PABPC1: variants seen among roughly 807,000 people sequenced by gnomAD.
The protein encoded by PABPC1 is polyadenylate-binding protein 1.
Under a neutral mutation model 74.0 loss-of-function variants are expected in PABPC1, and 4 were observed. That is an observed-to-expected ratio of 0.05 (90% CI 0.03 to 0.12). The LOEUF is 0.12. Ranked by LOEUF, PABPC1 falls within the 10% of genes least tolerant of loss-of-function variation. The probability of loss-of-function intolerance (pLI) is 1.00; values close to 1 mark genes in which losing one functional copy is unlikely to be tolerated. For missense variants in PABPC1, 271 were observed against 821.1 expected, an observed-to-expected ratio of 0.33 and a Z score of 8.19; for synonymous variants, 227 against 264.1, an observed-to-expected ratio of 0.86 and a Z score of 1.36.
chr8:100,721,397 C>T lies in PABPC1; in HGVS notation c.187G>A (p.Ala63Thr). The T allele has an allele frequency of 6.5e-7, 1 of 1,532,898 alleles. No individual in the cohort carries two copies. Among genetic ancestry groups the T allele is most frequent in the Non-Finnish European group, 8.8e-7 (1 of 1,137,076 alleles). 95.0% of individuals were successfully genotyped at this position (1,532,898 alleles called of 1,614,324 possible). ...GYAYVNFQQP[A>T]DAERALDTMN... is the part of the protein sequence containing the mutation. ...CGCGGAGCCCGGCGCTCACCGTCCG[C>T]CGGCTGCTGGAAGTTCACATACGCG... The change falls in exon 1 of 15, where the codon GCG becomes ACG. Residue 63 changes from alanine (A) to threonine (T), a missense_variant. Around this residue, in one of 7 missense-constraint regions of PABPC1, gnomAD observed 47 missense variants for 214.1 expected, o/e 0.22. Transcript: ENST00000318607. This position sits in a 1 kb window ranked among gnomAD's most constrained non-coding sequence, Gnocchi z 7.4.
At chr8:100,704,211 T>C in intron 14 of PABPC1, 86 bp downstream of exon 14, 1 of 978,256 alleles carries the variant, frequency 1.0e-6, no homozygotes, top group Non-Finnish European at 1.6e-6. Context: ...GATCTTTTGC[T>C]ATGTACATTT....
At chr8:100,714,685 C>T (rs1432320782) in intron 4 of PABPC1, among the ~76,000 whole-genome samples, 2 of 151,984 alleles carry the variant, frequency 1.3e-5, no homozygotes, top group African/African-American at 2.4e-5. Context: ...GCCGAGATCA[C>T]GTGACTGCAC....
chr8:100,707,020 T>C (rs1478306793), intron 9 of PABPC1, 23 bp from the exon 10 acceptor site: 6 of 1,295,062 alleles, frequency 4.6e-6, no homozygotes, highest in African/African-American at 3.0e-5. Context: ...GATGTGAATA[T>C]ACATTAACTG....
intron 7 of PABPC1, among the ~76,000 whole-genome samples, chr8:100,711,858 T>C (rs1003979896): frequency 2.0e-5 from 3 of 152,264 alleles, no homozygotes; most frequent in Admixed American, 6.5e-5. Context: ...AGGGGGACTC[T>C]TGGCCCACGG....
At chr8:100,709,383 G>T in intron 8 of PABPC1, 76 bp downstream of exon 8, 1 of 1,555,416 alleles carries the variant, frequency 6.4e-7, no homozygotes, top group Non-Finnish European at 8.8e-7. Flanking sequence ...ACATTTGCGG[G>T]GCGAGGGGCA....
chr8:100,707,881 C>T (rs751362691), intron 9 of PABPC1, among the ~76,000 whole-genome samples: 5 of 152,218 alleles, frequency 3.3e-5, no homozygotes, highest in East Asian at 1.9e-4. Context: ...CAGACGCTGG[C>T]GTTACCACTA....
chr8:100,716,843 A>T (rs1810683141), intron 3 of PABPC1, among the ~76,000 whole-genome samples: 1 of 152,192 alleles, frequency 6.6e-6, no homozygotes, highest in African/African-American at 2.4e-5. Flanking sequence ...GTAAAGCTGA[A>T]ACTTTATGAA....
At chr8:100,707,212 C>T in intron 9 of PABPC1, 1 of 411,188 alleles carries the variant, frequency 2.4e-6, no homozygotes, top group Non-Finnish European at 4.5e-6. Context: ...ATGTAGCGAC[C>T]AGCCCCACAG....
intron 6 of PABPC1, 66 bp downstream of exon 6, chr8:100,712,586 C>T (rs960411392): frequency 6.4e-7 from 1 of 1,559,188 alleles, no homozygotes; most frequent in Non-Finnish European, 8.7e-7. Flanking sequence ...CTGGAAGTAA[C>T]TGAAATCAAC....
chr8:100,705,650 C>G lies in PABPC1; in HGVS notation c.1626G>C (p.Gln542His), dbSNP rs760112414. 6.2e-7 allele frequency: 1 copy of G among 1,613,698 alleles called. No homozygotes were observed. The highest frequency in any genetic ancestry group is 8.5e-7 in the Non-Finnish European group (1 of 1,179,630). Residue 542 changes from glutamine (Q) to histidine (H), a missense_variant, in exon 12 of 15, where the codon CAG (glutamine) becomes CAC (histidine). This residue lies in a region of PABPC1 where 103 missense variants were observed against 245.3 expected (regional missense o/e 0.42). Coordinates refer to ENST00000318607, the MANE Select transcript of PABPC1 (RefSeq NM_002568.4). ...MQQPAVHVQGQEPLTASMLAS... is the reference protein window; with the variant it reads ...MQQPAVHVQGHEPLTASMLAS... ...CCAACATGGAAGCAGTCAAAGGTTC[C>G]TGACCTTGTACATGAACAGCAGGCT... is the stretch of plus-strand genomic sequence containing the variant.
At position 100,721,594 on chromosome 8, in the gene PABPC1, C is replaced by T; in HGVS notation, c.-11G>A. On this transcript the variant is annotated 5_prime_UTR_variant, in exon 1 of 15. Coordinates refer to ENST00000318607, the MANE Select transcript of PABPC1 (RefSeq NM_002568.4). This position sits in a 1 kb window ranked among gnomAD's most constrained non-coding sequence, Gnocchi z 7.4. ...GGCACTGGGGTTCATCTCGGCACGGCTGCCCGCAGGGCCACAGGCCGCGAC... is the reference window on the plus strand; with the variant it reads ...GGCACTGGGGTTCATCTCGGCACGGTTGCCCGCAGGGCCACAGGCCGCGAC... 1 of 1,525,352 alleles carries T rather than the reference C, an allele frequency of 6.6e-7. No homozygotes were observed. The highest frequency in any genetic ancestry group is 8.9e-7 in the Non-Finnish European group (1 of 1,126,204). The allele number at this position is 1,525,352 out of a possible 1,614,324, so 94.5% of individuals were successfully genotyped here.
rs935223655 is a variant in PABPC1 at position 100,713,090 on chromosome 8, C to T, written c.735G>A (p.Gln245=). 3.1e-6 allele frequency: 5 copies of T among 1,602,768 alleles called. No homozygotes were observed. The South Asian group carries it at 3.4e-5, about 11-fold the overall frequency. Residue 245 remains glutamine (Q), a synonymous_variant, in exon 5 of 15, where the codon CAG becomes CAA. Transcript: ENST00000318607. ...FVSFERHEDA[Q]KAVDEMNGKE... is the part of the protein sequence containing the mutation. Reference sequence around the variant, plus strand: ...CTGCTGAATACAGACCACTTACTTTCTGTGCATCTTCATGCCTTTCAAAGC... The same window carrying T: ...CTGCTGAATACAGACCACTTACTTTTTGTGCATCTTCATGCCTTTCAAAGC...
In PABPC1 at chr8:100,705,098, A is replaced by G. The variant is rs1045481684; in HGVS notation, c.1688-42T>C. ...TCAAAAACTCCCTTCAATAAAAAAAAGTTTTTAACTGCATTGAATTACCAC... is the reference window on the plus strand; with the variant it reads ...TCAAAAACTCCCTTCAATAAAAAAAGGTTTTTAACTGCATTGAATTACCAC... On this transcript the variant is annotated intron_variant, in intron 12 of 14. Coordinates refer to ENST00000318607, the MANE Select transcript of PABPC1 (RefSeq NM_002568.4). 3.8e-6 allele frequency: 6 copies of G among 1,577,678 alleles called. No homozygotes were observed. In the African/African-American group the frequency reaches 8.2e-5, roughly 22 times the overall value.
Position 100,705,069 on chromosome 8 carries a change from ACATT to A in PABPC1, c.1688-17_1688-14del. ...AACAGCCGTTCACCTAGGAACAGAA[ACATT>A]CAAAAACTCCCTTCAATAAAAAAAA... On this transcript the variant is annotated splice_polypyrimidine_tract_variant and intron_variant, in intron 12 of 14. Coordinates refer to ENST00000318607, the MANE Select transcript of PABPC1 (RefSeq NM_002568.4). 5 of 1,599,104 alleles carry A rather than the reference ACATT, an allele frequency of 3.1e-6. No individual in the cohort carries two copies. Among genetic ancestry groups the A allele is most frequent in the Non-Finnish European group, 4.3e-6 (5 of 1,175,346 alleles).
Position 100,721,574 on chromosome 8 carries a change from T to C in PABPC1, c.10A>G (p.Ser4Gly). The C allele has an allele frequency of 6.3e-7, 1 of 1,575,392 alleles. No individual in the cohort carries two copies. The highest frequency in any genetic ancestry group is 2.3e-5 in the East Asian group (1 of 42,776). Reference protein sequence around the residue: MNPSAPSYPMASLY... With the variant: MNPGAPSYPMASLY... ...GAGGCCATGGGGTAGCTGGGGGCACTGGGGTTCATCTCGGCACGGCTGCCC... is the reference window on the plus strand; with the variant it reads ...GAGGCCATGGGGTAGCTGGGGGCACCGGGGTTCATCTCGGCACGGCTGCCC... Residue 4 changes from serine to glycine, a missense_variant, in exon 1 of 15, where the codon AGT becomes GGT. Ser to Gly is a moderately conservative substitution (Grantham distance 56). Transcript: ENST00000318607. The surrounding 1 kb of genome is among the most constrained non-coding windows in gnomAD (Gnocchi z 7.4).
At chr8:100,707,317 G>T in intron 9 of PABPC1, 1 of 278,448 alleles carries the variant, frequency 3.6e-6, no homozygotes, top group Middle Eastern at 1.4e-3. Context: ...GCTGGGCACG[G>T]GGGACCACTA....
chr8:100,705,812 G>A (rs1810364129), intron 11 of PABPC1, 139 bp from the exon 12 acceptor site: 1 of 656,558 alleles, frequency 1.5e-6, no homozygotes, highest in African/African-American at 1.8e-5. Context: ...GAATTAGAAA[G>A]AAGCCAAAGT....
intron 12 of PABPC1, 68 bp from the exon 13 acceptor site, chr8:100,705,124 A>G: frequency 7.6e-7 from 1 of 1,317,386 alleles, no homozygotes; most frequent in Admixed American, 2.0e-5. Flanking sequence ...GAATTACCAC[A>G]TTAAACTGGG....
chr8:100,705,631 T>A lies in PABPC1; in HGVS notation c.1645A>T (p.Met549Leu). ...TCTTGAGGAGGGGCAGATGCCAACA[T>A]GGAAGCAGTCAAAGGTTCCTGACCT... is the stretch of plus-strand genomic sequence containing the variant. ...VQGQEPLTAS[M>L]LASAPPQEQK... is the part of the protein sequence containing the mutation. The change falls in exon 12 of 15, where the codon ATG becomes TTG. Residue 549 changes from methionine to leucine, a missense_variant. Physicochemically the swap from Met to Leu is conservative, Grantham distance 15 (BLOSUM62 2). Transcript: ENST00000318607. 1.2e-6 allele frequency: 2 copies of A among 1,613,958 alleles called. No individual in the cohort carries two copies. Among genetic ancestry groups the A allele is most frequent in the Non-Finnish European group, 1.7e-6 (2 of 1,179,870 alleles).
Sources: gnomAD v4.1 joint callset for allele counts (sites outside exome capture counted in the v4.1 genomes callset) on GRCh38, gnomAD v4.1.1 for gene constraint, gnomAD v4.1.1 regional missense constraint, Gnocchi (gnomAD v3.1) non-coding constraint, MANE v1.5 for transcripts, NCBI Gene and HGNC (gene_info 2026-07-23, HGNC 2026-07-21) for gene names.